Variants in CCPG1 observed in about 807,000 individuals in gnomAD.
CCPG1 encodes the protein cell cycle progression protein 1.
In CCPG1, 46 loss-of-function variants were observed where a neutral mutation model predicts 81.3. The ratio of observed to expected loss-of-function variants is 0.57; its 90% CI spans 0.45 to 0.72. CCPG1 has a LOEUF of 0.72. Ranked by LOEUF, CCPG1 falls within the 30% of genes least tolerant of loss-of-function variation. The pLI is 0.00. For missense variants in CCPG1, 902 were observed against 937.6 expected (o/e 0.96, Z 0.50); for synonymous variants, 330 against 305.2 (o/e 1.08, Z -0.85).
intron 4 of CCPG1, 147 bp downstream of exon 4, chr15:55,378,153 T>C: frequency 2.1e-6 from 1 of 467,396 alleles, no homozygotes; most frequent in East Asian, 3.4e-5. Flanking sequence ...ATACTTTGCT[T>C]AGATGTCCTC....
chr15:55,378,343 T>A lies in CCPG1; in HGVS notation c.209A>T (p.Glu70Val). 6.2e-7 allele frequency: 1 copy of A among 1,612,158 alleles called. No individual in the cohort carries two copies. Among genetic ancestry groups the A allele is most frequent in the Non-Finnish European group, 8.5e-7 (1 of 1,178,942 alleles). Residue 70 changes from glutamate to valine, a missense_variant, in exon 4 of 9, where the codon GAA becomes GTA. By Grantham distance (121) the Glu-to-Val change is moderately radical. Coordinates refer to ENST00000442196, the MANE Select transcript of CCPG1 (RefSeq NM_001204450.2). ...SSQNGTVLME[E>V]TAYPALEETS... ...TTCCTCCAAAGCTGGATAAGCAGTT[T>A]CTTCCATAAGCACTGTGCCATTTTG... is the stretch of plus-strand genomic sequence containing the variant.
chr15:55,361,767 A>T (rs570652809), intron 7 of CCPG1, among the ~76,000 whole-genome samples: 11 of 152,260 alleles, frequency 7.2e-5, no homozygotes, highest in Non-Finnish European at 1.6e-4. Flanking sequence ...CGGCTTCAAA[A>T]ATTGTTTGTA....
At chr15:55,379,543 G>C (rs1595844054) in intron 3 of CCPG1, among the ~76,000 whole-genome samples, 1 of 152,064 alleles carries the variant, frequency 6.6e-6, no homozygotes, top group East Asian at 1.9e-4. Context: ...AAGTCAGAGA[G>C]AGGGCAGTCC....
At chr15:55,389,306 T>C in intron 2 of CCPG1, 59 bp downstream of exon 2, 3 of 1,193,056 alleles carry the variant, frequency 2.5e-6, no homozygotes, top group Non-Finnish European at 3.7e-6. Flanking sequence ...GAACACAGTT[T>C]ACATCACTGG....
chr15:55,399,091 G>A (rs1003363050), intron 1 of CCPG1, among the ~76,000 whole-genome samples: 1 of 152,062 alleles, frequency 6.6e-6, no homozygotes, highest in Non-Finnish European at 1.5e-5. Context: ...CCAAAGAAAA[G>A]TACTTTTTGA....
At chr15:55,400,769 G>A (rs892174691) in intron 1 of CCPG1, among the ~76,000 whole-genome samples, 2 of 152,222 alleles carry the variant, frequency 1.3e-5, no homozygotes, top group East Asian at 3.9e-4. Context: ...ACTTCAGTGG[G>A]GCTGTGCATC....
intron 7 of CCPG1, among the ~76,000 whole-genome samples, 179 bp from the exon 8 acceptor site, chr15:55,361,123 C>T (rs1387795476): frequency 6.7e-6 from 1 of 148,244 alleles, no homozygotes; most frequent in African/African-American, 2.6e-5. Flanking sequence ...TGCAAGAAAA[C>T]GCAGAGCAGA....
chr15:55,356,088 A>G lies in CCPG1; in HGVS notation c.*132T>C. On this transcript the variant is annotated 3_prime_UTR_variant, in exon 9 of 9. Coordinates refer to ENST00000442196, the MANE Select transcript of CCPG1 (RefSeq NM_001204450.2). ...CTAATGCTTCTGAGGAATAATATAA[A>G]GTTATCAAACTGATACTTAGAAACA... 1.4e-6 allele frequency: 1 copy of G among 693,864 alleles called. No homozygotes were observed. Among genetic ancestry groups the G allele is most frequent in the Non-Finnish European group, 2.3e-6 (1 of 436,078 alleles). 43.0% of individuals were successfully genotyped at this position (693,864 alleles called of 1,614,324 possible).
At chr15:55,394,991 A>AGAGATGGATTTGAGACT (rs1303003927) in intron 1 of CCPG1, among the ~76,000 whole-genome samples, 1 of 152,126 alleles carries the variant, frequency 6.6e-6, no homozygotes, top group Non-Finnish European at 1.5e-5. Context: ...TTAGTCAGTC[A>AGAGATGGATTTGAGACT]GAGATGGATT....
chr15:55,378,100 T>G (rs752449929), intron 4 of CCPG1, among the ~76,000 whole-genome samples, 200 bp downstream of exon 4: 12 of 152,216 alleles, frequency 7.9e-5, no homozygotes, highest in Non-Finnish European at 1.3e-4. Context: ...AAAAGAATTA[T>G]ATTAGAGGTG....
chr15:55,400,203 CAAAAAAA>C (rs61331208), intron 1 of CCPG1, among the ~76,000 whole-genome samples: 1 of 32,950 alleles, frequency 3.0e-5, no homozygotes, highest in African/African-American at 1.6e-4. Flanking sequence ...TACTCTACCT[CAAAAAAA>C]AAAAAAAAAA....
rs1179273438 is a variant in CCPG1, at chr15:55,355,449, T to A, written c.*771A>T. 1 of 1,592,618 alleles carries A rather than the reference T, an allele frequency of 6.3e-7. No homozygotes were observed. Reference sequence around the variant, plus strand: ...AAATTCTGAACTTTCCTAGATAAATTAACATTGCTGGGTGGAAATATTCAG... The same window carrying A: ...AAATTCTGAACTTTCCTAGATAAATAAACATTGCTGGGTGGAAATATTCAG... On this transcript the variant is annotated 3_prime_UTR_variant, in exon 9 of 9. Coordinates refer to ENST00000442196, the MANE Select transcript of CCPG1 (RefSeq NM_001204450.2).
intron 1 of CCPG1, among the ~76,000 whole-genome samples, chr15:55,395,394 A>C (rs1045697314): frequency 1.3e-5 from 2 of 152,194 alleles, no homozygotes; most frequent in African/African-American, 4.8e-5. Context: ...GAGATCTTCA[A>C]ATGATAATCT....
rs1280032593 is a variant in CCPG1 at position 55,355,628 on chromosome 15, A to G, written c.*592T>C. 7 of 406,428 alleles carry G rather than the reference A, an allele frequency of 1.7e-5. No individual in the cohort carries two copies. Among genetic ancestry groups the G allele is most frequent in the Admixed American group, 4.3e-5 (1 of 23,522 alleles). The allele number at this position is 406,428 out of a possible 1,614,324, so 25.2% of individuals were successfully genotyped here. A position where few individuals can be genotyped will look rare whatever the true frequency, so the allele number is the denominator to read the frequency against. ...GTTAATACAATGCCAGATTTTAAAT[A>G]AAGACCTTTAGTTTTCCTCATGGTG... On this transcript the variant is annotated 3_prime_UTR_variant, in exon 9 of 9. Transcript: ENST00000442196.
chr15:55,396,669 T>C (rs952771419), intron 1 of CCPG1, among the ~76,000 whole-genome samples: 9 of 152,218 alleles, frequency 5.9e-5, no homozygotes, highest in Non-Finnish European at 1.0e-4. Flanking sequence ...AGGAGATTTA[T>C]TCTGGGATAG....
rs141367464 is a variant in CCPG1, at chr15:55,363,958, C to T, written c.828+1230G>A. Among the ~76,000 whole-genome samples the T allele has an allele frequency of 8.7e-5, 13 of 149,858 alleles. 1 individual carries two copies. Among genetic ancestry groups the T allele is most frequent in the African/African-American group, 2.7e-4 (11 of 41,206 alleles). ...AGCTGGGATTACAGGTATGTGCCAC[C>T]ACACCAGGCTGATTTTTGTATTTTT... On this transcript the variant is annotated intron_variant, in intron 7 of 8. Coordinates refer to ENST00000442196, the MANE Select transcript of CCPG1 (RefSeq NM_001204450.2).
chr15:55,382,511 CTTT>C (rs752529724), intron 3 of CCPG1, among the ~76,000 whole-genome samples: 7 of 139,884 alleles, frequency 5.0e-5, no homozygotes, highest in Admixed American at 2.2e-4. Flanking sequence ...GGATCCACTT[CTTT>C]TTTTTTTTTT....
intron 5 of CCPG1, chr15:55,372,976 G>A (rs1157138998): frequency 1.9e-6 from 1 of 534,562 alleles, no homozygotes; most frequent in Non-Finnish European, 3.8e-6. Context: ...CTTACTAGAA[G>A]GTTATTAATT....
At chr15:55,388,427 G>A (rs1566978843) in intron 2 of CCPG1, among the ~76,000 whole-genome samples, 4 of 152,088 alleles carry the variant, frequency 2.6e-5, no homozygotes, top group Non-Finnish European at 5.9e-5. Flanking sequence ...TTTTCCCTGT[G>A]AAGTTCTGCT....
Sources: allele counts gnomAD v4.1 joint callset (sites outside exome capture counted in the v4.1 genomes callset), GRCh38; gene constraint gnomAD v4.1.1; transcripts MANE v1.5; gene names NCBI Gene and HGNC (gene_info 2026-07-23, HGNC 2026-07-21).